The following WWOX variants were observed in gnomAD, a reference collection of about 807,000 sequenced individuals.
WWOX encodes WW domain-containing oxidoreductase.
A neutral mutation model predicts 46.2 loss-of-function variants in WWOX; 69 were observed. The ratio of observed to expected loss-of-function variants is 1.49; its 90% confidence interval spans 1.23 to 1.82. WWOX has a LOEUF of 1.82. Ranked by LOEUF, WWOX falls within the 40% of genes most tolerant of loss-of-function variation. The pLI is 0.00. For missense variants in WWOX, 919 were observed against 542.6 expected, an observed-to-expected ratio of 1.69 and a Z score of -6.89; for synonymous variants, 359 against 202.6, an observed-to-expected ratio of 1.77 and a Z score of -6.56.
At chr16:78,861,157 T>C (rs1267176647) in intron 8 of WWOX, among the ~76,000 whole-genome samples, 1 of 152,074 alleles carries the variant, frequency 6.6e-6, no homozygotes, top group African/African-American at 2.4e-5. Flanking sequence ...TTCCTCCCTC[T>C]CTCTCTTTCT....
At chr16:78,778,044 G>GAAAA in intron 8 of WWOX, among the ~76,000 whole-genome samples, 1 of 99,758 alleles carries the variant, frequency 1.0e-5, no homozygotes, top group Non-Finnish European at 2.0e-5. Context: ...GACTCCATCT[G>GAAAA]AAAAAAAAAA....
At chr16:78,635,797 C>G (rs1457187649) in intron 8 of WWOX, among the ~76,000 whole-genome samples, 1 of 152,162 alleles carries the variant, frequency 6.6e-6, no homozygotes, top group East Asian at 1.9e-4. Context: ...GTTGGAAAAA[C>G]AGCTAGTGGA....
intron 8 of WWOX, among the ~76,000 whole-genome samples, chr16:78,972,798 T>A (rs552702871): frequency 1.3e-5 from 2 of 152,244 alleles, no homozygotes; most frequent in South Asian, 2.1e-4. Flanking sequence ...TAAAAAATGG[T>A]TTTTAATTTT....
intron 8 of WWOX, among the ~76,000 whole-genome samples, chr16:78,510,979 T>C (rs2085346920): frequency 6.6e-6 from 1 of 152,208 alleles, no homozygotes. Context: ...GGGAGCAAGA[T>C]GACATGTGCC....
chr16:78,966,784 C>A (rs939684497), intron 8 of WWOX, among the ~76,000 whole-genome samples: 4 of 152,146 alleles, frequency 2.6e-5, no homozygotes, highest in Non-Finnish European at 5.9e-5. Flanking sequence ...ATTCAAATCA[C>A]ATGTGCCAAC....
chr16:78,554,029 A>T (rs1052738283), intron 8 of WWOX, among the ~76,000 whole-genome samples: 1 of 152,082 alleles, frequency 6.6e-6, no homozygotes, highest in Non-Finnish European at 1.5e-5. Context: ...TCAAGCAGGG[A>T]GGCAACAAAT....
intron 8 of WWOX, among the ~76,000 whole-genome samples, chr16:78,993,718 C>T (rs1170112524): frequency 2.0e-5 from 3 of 152,198 alleles, no homozygotes; most frequent in Non-Finnish European, 4.4e-5. Flanking sequence ...GGGGCTCCAG[C>T]AATCTGCCTG....
intron 8 of WWOX, among the ~76,000 whole-genome samples, chr16:79,176,215 C>T (rs2050797253): frequency 6.6e-6 from 1 of 152,168 alleles, no homozygotes; most frequent in Admixed American, 6.5e-5. Flanking sequence ...ACACAGAAAG[C>T]AACATAAGTG....
chr16:78,953,440 C>T (rs1002029028), intron 8 of WWOX, among the ~76,000 whole-genome samples: 3 of 151,388 alleles, frequency 2.0e-5, no homozygotes, highest in African/African-American at 7.3e-5. Context: ...TGTTCATCAA[C>T]AGTCCCTTTA....
intron 8 of WWOX, among the ~76,000 whole-genome samples, chr16:79,177,459 C>A (rs1170958941): frequency 6.6e-6 from 1 of 152,176 alleles, no homozygotes; most frequent in East Asian, 1.9e-4. Context: ...TATGGTCAGG[C>A]TCATAAAAGC....
chr16:79,147,483 A>G (rs1241283725), intron 8 of WWOX, among the ~76,000 whole-genome samples: 1 of 152,114 alleles, frequency 6.6e-6, no homozygotes, highest in Non-Finnish European at 1.5e-5. Flanking sequence ...CATATAAGTG[A>G]TCGTATGTTT....
intron 8 of WWOX, among the ~76,000 whole-genome samples, chr16:78,553,657 C>T (rs1349423835): frequency 2.0e-5 from 3 of 152,060 alleles, no homozygotes; most frequent in African/African-American, 7.2e-5. Context: ...ATGCCTGTGG[C>T]CAATATACAC....
chr16:78,721,678 C>G (rs995067576), intron 8 of WWOX, among the ~76,000 whole-genome samples: 4 of 152,198 alleles, frequency 2.6e-5, no homozygotes, highest in African/African-American at 7.2e-5. Flanking sequence ...ATAAATTGAC[C>G]TGCCTGAGCC....
intron 8 of WWOX, among the ~76,000 whole-genome samples, chr16:79,139,544 T>C: frequency 6.6e-6 from 1 of 152,372 alleles, no homozygotes; most frequent in South Asian, 2.1e-4. Flanking sequence ...CTTTAGCTTC[T>C]TTGGAATCGA....
chr16:78,308,157 TC>T (rs950644604), intron 5 of WWOX, among the ~76,000 whole-genome samples: 3 of 152,008 alleles, frequency 2.0e-5, no homozygotes, highest in African/African-American at 7.2e-5. Context: ...TGGGAGTCCT[TC>T]CCCTAGCATG....
At chr16:78,775,062 A>G (rs1036564909) in intron 8 of WWOX, among the ~76,000 whole-genome samples, 6 of 152,168 alleles carry the variant, frequency 3.9e-5, no homozygotes, top group African/African-American at 1.2e-4. Context: ...GTGGGGAGCC[A>G]TCTCAGGCTC....
chr16:78,472,293 C>A (rs959991801), intron 8 of WWOX, among the ~76,000 whole-genome samples: 1 of 152,126 alleles, frequency 6.6e-6, no homozygotes, highest in Non-Finnish European at 1.5e-5. Context: ...TGGTCAGCCT[C>A]TTATCTCATA....
intron 8 of WWOX, among the ~76,000 whole-genome samples, chr16:78,595,261 G>A (rs930323579): frequency 6.6e-6 from 1 of 151,606 alleles, no homozygotes; most frequent in East Asian, 2.0e-4. Flanking sequence ...TAGGGAAGTG[G>A]CAATGGCAGG....
chr16:78,832,173 T>A (rs1597690078), intron 8 of WWOX, among the ~76,000 whole-genome samples: 1 of 152,264 alleles, frequency 6.6e-6, no homozygotes, highest in East Asian at 1.9e-4. Flanking sequence ...AGTCTCAGAA[T>A]CCTTGACTGA....
Sources: allele counts gnomAD v4.1 joint callset (sites outside exome capture counted in the v4.1 genomes callset), GRCh38; gene constraint gnomAD v4.1.1; transcripts MANE v1.5; gene names NCBI Gene and HGNC (gene_info 2026-07-23, HGNC 2026-07-21).